ASPRV1: variants seen among roughly 807,000 people sequenced by gnomAD.
The protein encoded by ASPRV1 is aspartic peptidase retroviral like 1.
A neutral mutation model predicts 11.0 loss-of-function variants in ASPRV1; 7 were observed. The observed-to-expected ratio is 0.64, with a 90% CI of 0.36 to 1.20. ASPRV1 has a LOEUF of 1.20. Among genes scored for constraint, ASPRV1 ranks in the 50% most tolerant of loss-of-function variants. The probability of loss-of-function intolerance (pLI) is 0.02; values close to 1 mark genes in which losing one functional copy is unlikely to be tolerated. For synonymous variants in ASPRV1, 136 were observed against 138.4 expected (o/e 0.98, Z 0.12); for missense variants, 299 against 320.0 (o/e 0.93, Z 0.50).
At chr2:69,967,414 C>T in the ASPRV1 span, among the ~76,000 whole-genome samples, 1 of 152,262 alleles carries the variant, frequency 6.6e-6, no homozygotes, top group Admixed American at 6.5e-5. Context: ...ATGCAGTAGC[C>T]CTGAAACCAG....
the ASPRV1 span, among the ~76,000 whole-genome samples, chr2:69,983,632 G>A: frequency 6.6e-6 from 1 of 152,152 alleles, no homozygotes; most frequent in Non-Finnish European, 1.5e-5. Context: ...AATGGGGGAG[G>A]GTAGGGGAGC....
upstream of ASPRV1, among the ~76,000 whole-genome samples, chr2:69,963,764 G>A (rs1273010881): frequency 1.3e-5 from 2 of 152,132 alleles, no homozygotes; most frequent in African/African-American, 2.4e-5. Flanking sequence ...AACCTGGGAA[G>A]AAGACCAGCT....
At chr2:70,080,534 C>G in the ASPRV1 span, among the ~76,000 whole-genome samples, 1 of 151,958 alleles carries the variant, frequency 6.6e-6, no homozygotes, top group Non-Finnish European at 1.5e-5. Flanking sequence ...GCCACCCCTT[C>G]TTTTTTTTAT....
At chr2:70,060,385 T>C in the ASPRV1 span, among the ~76,000 whole-genome samples, 2 of 150,104 alleles carry the variant, frequency 1.3e-5, no homozygotes, top group Non-Finnish European at 3.0e-5. Flanking sequence ...CAAAGTGCTG[T>C]CTCTGTTGAA....
chr2:70,016,369 T>C, the ASPRV1 span: 1 of 152,114 alleles, frequency 6.6e-6, no homozygotes. Context: ...TACATCAGCA[T>C]AGATACAAAA....
the ASPRV1 span, among the ~76,000 whole-genome samples, chr2:69,973,985 A>G: frequency 1.3e-5 from 2 of 152,222 alleles, no homozygotes; most frequent in African/African-American, 2.4e-5. Flanking sequence ...ACAACATTAT[A>G]TAGTATTTCC....
chr2:69,950,828 G>A, the ASPRV1 span, among the ~76,000 whole-genome samples: 2 of 149,532 alleles, frequency 1.3e-5, no homozygotes, highest in Non-Finnish European at 3.0e-5. Flanking sequence ...GGGCAACAGA[G>A]TGGGACTCTG....
At chr2:70,031,411 C>T in the ASPRV1 span, 3 of 152,060 alleles carry the variant, frequency 2.0e-5, no homozygotes, top group African/African-American at 7.2e-5. Flanking sequence ...AAGGGAAAAC[C>T]TGAGGGCTGG....
At chr2:70,087,006 C>G in the ASPRV1 span, 1 of 152,044 alleles carries the variant, frequency 6.6e-6, no homozygotes, top group African/African-American at 2.4e-5. Context: ...CTCGCCGCCC[C>G]TCCCCCCCGG....
At chr2:69,936,857 C>T in the ASPRV1 span, among the ~76,000 whole-genome samples, 1 of 152,180 alleles carries the variant, frequency 6.6e-6, no homozygotes, top group African/African-American at 2.4e-5. Flanking sequence ...CTTAAGCTCC[C>T]ATCAAGTGCA....
chr2:69,945,801 G>C, the ASPRV1 span, among the ~76,000 whole-genome samples: 3 of 152,224 alleles, frequency 2.0e-5, no homozygotes, highest in Non-Finnish European at 4.4e-5. Context: ...GGGTGGACTG[G>C]GGGTATTGGA....
chr2:70,018,362 C>G, the ASPRV1 span, among the ~76,000 whole-genome samples: 2 of 151,842 alleles, frequency 1.3e-5, no homozygotes, highest in Non-Finnish European at 2.9e-5. Flanking sequence ...AAATGACCTA[C>G]AGATTCAAAG....
chr2:70,026,964 T>C, the ASPRV1 span, among the ~76,000 whole-genome samples: 3 of 151,946 alleles, frequency 2.0e-5, no homozygotes, highest in East Asian at 5.8e-4. Context: ...TACAAAGCTA[T>C]AGCAGGCTGG....
chr2:70,081,419 C>A, the ASPRV1 span: 2 of 151,520 alleles, frequency 1.3e-5, no homozygotes, highest in African/African-American at 4.9e-5. Flanking sequence ...CACTTGAACC[C>A]GGGAAGCAGA....
the ASPRV1 span, among the ~76,000 whole-genome samples, chr2:70,012,634 C>A: frequency 2.6e-5 from 4 of 152,116 alleles, no homozygotes; most frequent in Non-Finnish European, 5.9e-5. Context: ...TGCAGTTCAA[C>A]AGAAAGGCAA....
chr2:69,998,411 CTG>C, the ASPRV1 span, among the ~76,000 whole-genome samples: 1 of 151,930 alleles, frequency 6.6e-6, no homozygotes, highest in African/African-American at 2.4e-5. Flanking sequence ...GCTAAAGAAA[CTG>C]GGGAAAGGCC....
chr2:69,968,511 G>T, the ASPRV1 span: 2 of 152,176 alleles, frequency 1.3e-5, no homozygotes, highest in African/African-American at 2.4e-5. Context: ...ATGACACAGT[G>T]AGACCCTGTC....
At chr2:70,009,335 T>TTTATTTAC in the ASPRV1 span, among the ~76,000 whole-genome samples, 1 of 151,682 alleles carries the variant, frequency 6.6e-6, no homozygotes, top group Non-Finnish European at 1.5e-5. Flanking sequence ...TATTTATTTA[T>TTTATTTAC]TTATTTATTT....
At chr2:70,023,839 A>G in the ASPRV1 span, among the ~76,000 whole-genome samples, 1 of 152,088 alleles carries the variant, frequency 6.6e-6, no homozygotes, top group East Asian at 1.9e-4. Flanking sequence ...TTACTTTTCA[A>G]TTGCAAAATT....
Sources: gnomAD v4.1 joint callset for allele counts (sites outside exome capture counted in the v4.1 genomes callset) on GRCh38, gnomAD v4.1.1 for gene constraint, MANE v1.5 for transcripts, NCBI Gene and HGNC (gene_info 2026-07-23, HGNC 2026-07-21) for gene names.